Variants in SLC8A1 observed in about 807,000 individuals in gnomAD.
The protein encoded by SLC8A1 is sodium/calcium exchanger 1.
A neutral mutation model predicts 68.3 loss-of-function variants in SLC8A1; 18 were observed. The observed-to-expected ratio is 0.26, with a 90% CI of 0.18 to 0.39. SLC8A1 has a LOEUF of 0.39. Ranked by LOEUF, SLC8A1 falls within the 10% of genes least tolerant of loss-of-function variation. The probability of loss-of-function intolerance (pLI) is 1.00; values close to 1 mark genes in which losing one functional copy is unlikely to be tolerated. For synonymous variants in SLC8A1, 475 were observed against 415.5 expected, an observed-to-expected ratio of 1.14 and a Z score of -1.74; for missense variants, 985 against 1,156.7, an observed-to-expected ratio of 0.85 and a Z score of 2.15.
At chr2:40,287,668 G>A (rs937526019) in intron 2 of SLC8A1, among the ~76,000 whole-genome samples, 1 of 148,874 alleles carries the variant, frequency 6.7e-6, no homozygotes. Context: ...CATACTGGGA[G>A]GACAGGGCCA....
intron 2 of SLC8A1, among the ~76,000 whole-genome samples, chr2:40,413,829 A>C (rs1692973175): frequency 1.3e-5 from 2 of 152,186 alleles, no homozygotes; most frequent in African/African-American, 4.8e-5. Context: ...ATATAACATA[A>C]ATACATAGAA....
upstream of SLC8A1, among the ~76,000 whole-genome samples, chr2:40,454,193 G>T (rs2096165493): frequency 6.6e-6 from 1 of 152,124 alleles, no homozygotes; most frequent in South Asian, 2.1e-4. Flanking sequence ...AAAAGTGGCT[G>T]CCTTCTAAAT....
intron 1 of SLC8A1, among the ~76,000 whole-genome samples, chr2:40,449,279 G>C (rs532128284): frequency 1.3e-5 from 2 of 151,792 alleles, no homozygotes; most frequent in Non-Finnish European, 2.9e-5. Flanking sequence ...TTTTTAAAGG[G>C]GAATTGCAAC....
At chr2:40,378,385 G>A (rs978132254) in intron 2 of SLC8A1, among the ~76,000 whole-genome samples, 31 of 152,100 alleles carry the variant, frequency 2.0e-4, no homozygotes, top group African/African-American at 6.0e-4. Flanking sequence ...GGTTATGTGT[G>A]AGTAGAAACC....
At chr2:40,245,547 C>T (rs1465744270) in intron 2 of SLC8A1, among the ~76,000 whole-genome samples, 1 of 152,134 alleles carries the variant, frequency 6.6e-6, no homozygotes, top group Non-Finnish European at 1.5e-5. Context: ...GCTGTATGTA[C>T]CTGTTTGCTT....
intron 2 of SLC8A1, among the ~76,000 whole-genome samples, chr2:40,364,818 A>G (rs1018387613): frequency 6.6e-6 from 1 of 152,150 alleles, no homozygotes; most frequent in African/African-American, 2.4e-5. Context: ...GGAGAAAATA[A>G]TACAGTGATG....
At chr2:40,250,336 G>A (rs541046713) in intron 2 of SLC8A1, 62 of 152,160 alleles carry the variant, frequency 4.1e-4, no homozygotes, top group African/African-American at 1.3e-3. Context: ...TATGCATTAC[G>A]AAGAGATTAC....
intron 2 of SLC8A1, among the ~76,000 whole-genome samples, chr2:40,234,137 G>C (rs1290466383): frequency 6.6e-6 from 1 of 151,968 alleles, no homozygotes; most frequent in Non-Finnish European, 1.5e-5. Flanking sequence ...TCTGTGAAGA[G>C]AGGCATTGGT....
intron 2 of SLC8A1, among the ~76,000 whole-genome samples, chr2:40,243,696 T>C (rs2061491381): frequency 1.3e-5 from 2 of 152,172 alleles, no homozygotes; most frequent in Non-Finnish European, 2.9e-5. Context: ...GGAAGGGTAT[T>C]GCATTTTTCC....
chr2:40,336,418 A>T (rs1031454376), intron 2 of SLC8A1, among the ~76,000 whole-genome samples: 3 of 152,174 alleles, frequency 2.0e-5, no homozygotes, highest in African/African-American at 7.2e-5. Context: ...GTCCACTAAA[A>T]ATCTCAGAAT....
intron 2 of SLC8A1, among the ~76,000 whole-genome samples, chr2:40,231,984 G>C (rs1174369744): frequency 6.6e-6 from 1 of 152,072 alleles, no homozygotes; most frequent in Non-Finnish European, 1.5e-5. Context: ...ATAAGATACA[G>C]TTTCTGAGAT....
At chr2:40,175,959 T>C (rs1558629210) in intron 3 of SLC8A1, 4 of 450,010 alleles carry the variant, frequency 8.9e-6, no homozygotes, top group Non-Finnish European at 1.3e-5. Context: ...CTGTGACTTC[T>C]GTACATTATT....
chr2:40,364,402 T>C (rs1260295279), intron 2 of SLC8A1, among the ~76,000 whole-genome samples: 4 of 151,730 alleles, frequency 2.6e-5, no homozygotes, highest in Non-Finnish European at 5.9e-5. Flanking sequence ...ACTTTATTGA[T>C]TCATTAAAAA....
At chr2:40,350,397 C>T (rs1670682655) in intron 2 of SLC8A1, among the ~76,000 whole-genome samples, 1 of 151,952 alleles carries the variant, frequency 6.6e-6, no homozygotes, top group Non-Finnish European at 1.5e-5. Flanking sequence ...GGGAGGATCA[C>T]TTGAGCACAG....
chr2:40,451,171 C>T (rs984352252), intron 1 of SLC8A1, among the ~76,000 whole-genome samples: 1 of 152,164 alleles, frequency 6.6e-6, no homozygotes, highest in Non-Finnish European at 1.5e-5. Context: ...CCATTTCCCC[C>T]AAGAGCCAGC....
At chr2:40,355,515 AG>A (rs1245850347) in intron 2 of SLC8A1, among the ~76,000 whole-genome samples, 1 of 152,104 alleles carries the variant, frequency 6.6e-6, no homozygotes, top group Non-Finnish European at 1.5e-5. Flanking sequence ...AAATATCCTG[AG>A]AAAGATCAGG....
chr2:40,122,232 GCGCGCA>G (rs766572822), intron 7 of SLC8A1, among the ~76,000 whole-genome samples: 182 of 110,270 alleles, frequency 1.7e-3, no homozygotes, highest in Admixed American at 2.8e-3. Flanking sequence ...ACACGTGTGC[GCGCGCA>G]CACACACACA....
chr2:40,259,196 G>C (rs913401076), intron 2 of SLC8A1, among the ~76,000 whole-genome samples: 5 of 152,172 alleles, frequency 3.3e-5, no homozygotes, highest in Non-Finnish European at 5.9e-5. Context: ...GAGAAATTCT[G>C]TCTGTGATAT....
intron 2 of SLC8A1, among the ~76,000 whole-genome samples, chr2:40,333,412 T>C (rs1575481745): frequency 1.7e-5 from 2 of 121,196 alleles, no homozygotes; most frequent in Admixed American, 1.2e-4. Flanking sequence ...CACTCCAGCC[T>C]GGGCAAGAGA....
Sources: allele counts gnomAD v4.1 joint callset (sites outside exome capture counted in the v4.1 genomes callset), GRCh38; gene constraint gnomAD v4.1.1; transcripts MANE v1.5; gene names NCBI Gene and HGNC (gene_info 2026-07-23, HGNC 2026-07-21).